DNAH14: variants seen among roughly 807,000 people sequenced by gnomAD.
DNAH14 encodes axonemal beta dynein heavy chain 14.
A neutral mutation model predicts 520.9 loss-of-function variants in DNAH14; 478 were observed. That is an observed-to-expected ratio of 0.92 (90% CI 0.85 to 0.99). The LOEUF is 0.99. Ranked by LOEUF, DNAH14 falls within the 50% of genes least tolerant of loss-of-function variation. DNAH14 has a pLI of 0.00. For missense variants in DNAH14, 4,831 were observed against 5,234.5 expected (o/e 0.92, Z 2.38); for synonymous variants, 1,581 against 1,757.2 (o/e 0.90, Z 2.51).
At position 225,388,429 on chromosome 1, in the gene DNAH14, C is replaced by A. The variant is rs1011087726; in HGVS notation, c.13128C>A (p.Leu4376=). The A allele has an allele frequency of 6.5e-7, 1 of 1,535,164 alleles. No homozygotes were observed. The part of the protein sequence containing the change: ...CKPLSSWIDD[L]IQRLNFFNTW... ...CACTGAGTTCCTGGATTGATGATCTCATCCAGCGACTGAATTTCTTCAATA... is the reference window on the plus strand; with the variant it reads ...CACTGAGTTCCTGGATTGATGATCTAATCCAGCGACTGAATTTCTTCAATA... Residue 4376 remains leucine (L), a synonymous_variant, in exon 82 of 86, where the codon CTC becomes CTA. Coordinates refer to ENST00000682510, the MANE Select transcript of DNAH14 (RefSeq NM_001367479.1).
intron 46 of DNAH14, 50 bp from the exon 47 acceptor site, chr1:225,264,147 C>G (rs759467029): frequency 7.0e-7 from 1 of 1,421,712 alleles, no homozygotes; most frequent in South Asian, 1.3e-5. Flanking sequence ...TTTAATATAC[C>G]TATTATGGTA....
rs943441347 is a variant in DNAH14, at chr1:224,960,065, A to G, written c.218-88A>G. 23 of 1,303,914 alleles carry G rather than the reference A, an allele frequency of 1.8e-5. No individual in the cohort carries two copies. In the African/African-American group the frequency reaches 3.2e-4, roughly 18 times the overall value. The allele number at this position is 1,303,914 out of a possible 1,614,324, so 80.8% of individuals were successfully genotyped here. On this transcript the variant is annotated intron_variant, in intron 3 of 85. Coordinates refer to ENST00000682510, the MANE Select transcript of DNAH14 (RefSeq NM_001367479.1). ...CCATGCTATACTGCCTTATATAATC[A>G]TTAACTGTATTGCTGGGTATGTGGA...
intron 73 of DNAH14, among the ~76,000 whole-genome samples, chr1:225,356,592 TACTG>T (rs1487011976): frequency 6.6e-6 from 1 of 152,110 alleles, no homozygotes; most frequent in Non-Finnish European, 1.5e-5. Flanking sequence ...AAATACAAAA[TACTG>T]AATAATCTGT....
In DNAH14 at chr1:225,351,771, C is replaced by T. The variant is rs895514092; in HGVS notation, c.11421C>T (p.Asn3807=). ...FSLLCKSLLS[N]VSQWDTFKNS... ...TTCTGTGCAAATCCCTTTTATCAAA[C>T]GTATCACAATGGGATACTTTTAAGA... Residue 3807 remains asparagine, a synonymous_variant, in exon 72 of 86, where the codon AAC becomes AAT. Coordinates refer to ENST00000682510, the MANE Select transcript of DNAH14 (RefSeq NM_001367479.1). 5.4e-5 allele frequency: 83 copies of T among 1,551,130 alleles called. No individual in the cohort carries two copies. The highest frequency in any genetic ancestry group is 3.3e-5 in the Non-Finnish European group (38 of 1,146,716).
intron 66 of DNAH14, among the ~76,000 whole-genome samples, chr1:225,335,156 T>TGCATGTGC (rs1296722828): frequency 1.4e-5 from 2 of 147,700 alleles, no homozygotes; most frequent in African/African-American, 5.0e-5. Flanking sequence ...TGTACATGTG[T>TGCATGTGC]GCATGTGTGC....
At chr1:225,368,525 T>TAA (rs2095580217) in intron 77 of DNAH14, among the ~76,000 whole-genome samples, 1 of 152,182 alleles carries the variant, frequency 6.6e-6, no homozygotes, top group Non-Finnish European at 1.5e-5. Flanking sequence ...TCCTTTACTA[T>TAA]TCTCTATATA....
intron 72 of DNAH14, among the ~76,000 whole-genome samples, chr1:225,353,573 T>C (rs1340554383): frequency 6.6e-6 from 1 of 152,168 alleles, no homozygotes; most frequent in Non-Finnish European, 1.5e-5. Context: ...ACCACTTCAG[T>C]TGGTCCAAGT....
intron 54 of DNAH14, among the ~76,000 whole-genome samples, chr1:225,286,589 G>T (rs1020861064): frequency 6.6e-6 from 1 of 152,092 alleles, no homozygotes; most frequent in African/African-American, 2.4e-5. Context: ...TTACTGACAA[G>T]GATACAGAGC....
intron 30 of DNAH14, among the ~76,000 whole-genome samples, chr1:225,146,031 A>G (rs1372000580): frequency 6.6e-6 from 1 of 152,214 alleles, no homozygotes; most frequent in African/African-American, 2.4e-5. Context: ...TAGTACGTTA[A>G]AAATATCAAC....
At chr1:225,024,814 T>G (rs954476935) in intron 11 of DNAH14, among the ~76,000 whole-genome samples, 1 of 152,118 alleles carries the variant, frequency 6.6e-6, no homozygotes, top group Admixed American at 6.6e-5. Context: ...CTTTATATTC[T>G]TAACATAGTT....
At chr1:224,945,431 G>A (rs1272095190) in intron 1 of DNAH14, among the ~76,000 whole-genome samples, 1 of 151,996 alleles carries the variant, frequency 6.6e-6, no homozygotes, top group Non-Finnish European at 1.5e-5. Flanking sequence ...CTTTGCCATG[G>A]GTTTGAACTT....
At chr1:225,027,026 A>C (rs2066168314) in intron 11 of DNAH14, among the ~76,000 whole-genome samples, 6 of 151,826 alleles carry the variant, frequency 4.0e-5, no homozygotes, top group Non-Finnish European at 8.8e-5. Context: ...TTGTGAATGG[A>C]ATTATTTTTA....
intron 12 of DNAH14, among the ~76,000 whole-genome samples, chr1:225,039,776 G>A (rs1485117093): frequency 1.9e-4 from 27 of 144,960 alleles, no homozygotes; most frequent in Non-Finnish European, 3.2e-4. Flanking sequence ...TACTTGGGAG[G>A]CTGAGGCAGG....
intron 39 of DNAH14, 61 bp downstream of exon 39, chr1:225,204,334 G>T (rs773374760): frequency 1.0e-6 from 1 of 955,816 alleles, no homozygotes; most frequent in South Asian, 1.7e-5. Flanking sequence ...CAACCAATAT[G>T]AGCTATATTT....
At chr1:225,195,209 A>T (rs1311600818) in intron 38 of DNAH14, among the ~76,000 whole-genome samples, 1 of 152,154 alleles carries the variant, frequency 6.6e-6, no homozygotes, top group African/African-American at 2.4e-5. Flanking sequence ...ACATGCATAC[A>T]TATGTTCATC....
intron 64 of DNAH14, among the ~76,000 whole-genome samples, chr1:225,329,620 C>G (rs1022420370): frequency 1.3e-5 from 2 of 152,062 alleles, no homozygotes; most frequent in Non-Finnish European, 2.9e-5. Flanking sequence ...TGAAACTAGA[C>G]CCCTATCTCT....
chr1:225,152,508 G>T (rs2149094368), intron 32 of DNAH14, among the ~76,000 whole-genome samples, 189 bp from the exon 33 acceptor site: 1 of 152,058 alleles, frequency 6.6e-6, no homozygotes, highest in East Asian at 1.9e-4. Context: ...AGGAGGAACA[G>T]GAAGAAAATA....
chr1:225,294,428 GT>G (rs1441865724), intron 55 of DNAH14, among the ~76,000 whole-genome samples: 1 of 152,064 alleles, frequency 6.6e-6, no homozygotes, highest in Non-Finnish European at 1.5e-5. Context: ...CCTGGTTTTG[GT>G]ATCAGTGTTA....
At chr1:225,170,623 TC>T (rs2082526654) in intron 36 of DNAH14, among the ~76,000 whole-genome samples, 2 of 152,184 alleles carry the variant, frequency 1.3e-5, no homozygotes, top group South Asian at 4.2e-4. Context: ...ATAAAGCAAG[TC>T]CTTAGAGACC....
Sources: gnomAD v4.1 joint callset for allele counts (sites outside exome capture counted in the v4.1 genomes callset) on GRCh38, gnomAD v4.1.1 for gene constraint, MANE v1.5 for transcripts, NCBI Gene and HGNC (gene_info 2026-07-23, HGNC 2026-07-21) for gene names.